CDH18: variants seen among roughly 807,000 people sequenced by gnomAD.
The protein encoded by CDH18 is cadherin-18.
CDH18 carries 31 observed loss-of-function variants against 67.9 expected under a neutral mutation model. That is an observed-to-expected ratio of 0.46 (90% CI 0.34 to 0.62). The LOEUF (loss-of-function observed/expected upper bound fraction) is 0.62, where lower values mean the gene tolerates loss of function less well. CDH18 is among the 20% of genes least tolerant of loss of function. The probability of loss-of-function intolerance (pLI) is 0.01; values close to 1 mark genes in which losing one functional copy is unlikely to be tolerated. For synonymous variants in CDH18, 362 were observed against 347.2 expected, an observed-to-expected ratio of 1.04 and a Z score of -0.48; for missense variants, 890 against 975.5, an observed-to-expected ratio of 0.91 and a Z score of 1.17.
chr5:20,304,309 C>A (rs1254904120), intron 1 of CDH18: 9 of 1,599,472 alleles, frequency 5.6e-6, no homozygotes, highest in Non-Finnish European at 7.7e-6. Context: ...GTTTTAAATG[C>A]AGAGTACCTA....
At chr5:19,948,388 A>G (rs187114520) in intron 2 of CDH18, among the ~76,000 whole-genome samples, 36 of 152,316 alleles carry the variant, frequency 2.4e-4, no homozygotes, top group African/African-American at 8.7e-4. Context: ...TGAATTATCT[A>G]TGTGATGGAA....
At chr5:19,710,097 A>C (rs1316475855) in intron 5 of CDH18, among the ~76,000 whole-genome samples, 1 of 152,102 alleles carries the variant, frequency 6.6e-6, no homozygotes, top group Non-Finnish European at 1.5e-5. Flanking sequence ...GTCATGCCAC[A>C]GCACTCCAGC....
Position 20,450,036 on chromosome 5 carries a change from T to C in CDH18, c.-580+125426A>G, listed in dbSNP as rs1750309064. ...AATATGTGTGTGTGTGTTATGTACA[T>C]TTTTAAAGTATATTTTTCTGGCCGG... On this transcript the variant is annotated intron_variant, in intron 1 of 14. Coordinates refer to the CDH18 transcript ENST00000507958. 2.0e-5 allele frequency among the ~76,000 whole-genome samples: 3 copies of C among 152,060 alleles called. No homozygotes were observed. The South Asian group carries it at 6.2e-4, about 32-fold the overall frequency.
At chr5:19,609,869 C>T (rs925882687) in intron 6 of CDH18, among the ~76,000 whole-genome samples, 55 of 152,024 alleles carry the variant, frequency 3.6e-4, no homozygotes, top group Admixed American at 3.2e-3. Context: ...TGTGTATAGA[C>T]TTGCGCATGT....
Position 19,804,691 on chromosome 5 carries a change from A to G in CDH18, c.228+34068T>C, listed in dbSNP as rs543981516. ...AAACAGATAAGAGATCAGGATGATTAGCATGTTGAGAAACATGTAAATTTT... is the reference window on the plus strand; with the variant it reads ...AAACAGATAAGAGATCAGGATGATTGGCATGTTGAGAAACATGTAAATTTT... On this transcript the variant is annotated intron_variant, in intron 3 of 12. Transcript: ENST00000382275. 1.3e-5 allele frequency among the ~76,000 whole-genome samples: 2 copies of G among 152,316 alleles called. 1 individual carries two copies. Among genetic ancestry groups the G allele is most frequent in the East Asian group, 3.9e-4 (2 of 5,166 alleles).
At chr5:20,132,394 T>A (rs1382260459) in intron 2 of CDH18, among the ~76,000 whole-genome samples, 1 of 152,144 alleles carries the variant, frequency 6.6e-6, no homozygotes, top group African/African-American at 2.4e-5. Flanking sequence ...CTATTATTCA[T>A]ATATTTTATT....
intron 3 of CDH18, among the ~76,000 whole-genome samples, chr5:19,823,592 C>A (rs551731715): frequency 6.6e-6 from 1 of 152,250 alleles, no homozygotes; most frequent in East Asian, 1.9e-4. Flanking sequence ...ACAAGTACTT[C>A]TAGACCTAAG....
chr5:20,548,379 C>T (rs551656535), intron 1 of CDH18, among the ~76,000 whole-genome samples: 1 of 150,890 alleles, frequency 6.6e-6, no homozygotes, highest in Non-Finnish European at 1.5e-5. Context: ...AAAATATGTC[C>T]CTGGATACTT....
rs551949615 is a variant in CDH18 at position 20,422,982 on chromosome 5, C to T, written c.-580+152480G>A. Among the ~76,000 whole-genome samples, 124 of 151,266 alleles carry T rather than the reference C, an allele frequency of 8.2e-4. 5 individuals are homozygous for T. Among genetic ancestry groups the T allele is most frequent in the African/African-American group, 2.9e-3 (119 of 40,578 alleles). ...CCTCAAATCTTCACCAGTATCCCTA[C>T]TCTTCCCTCCTCCCCTCTCTGGAGA... On this transcript the variant is annotated intron_variant, in intron 1 of 14. Coordinates refer to the CDH18 transcript ENST00000507958.
At chr5:19,594,668 T>G (rs901798004) in intron 6 of CDH18, among the ~76,000 whole-genome samples, 1 of 152,218 alleles carries the variant, frequency 6.6e-6, no homozygotes, top group African/African-American at 2.4e-5. Flanking sequence ...TTCTTCTTTT[T>G]CAACATTGTT....
intron 3 of CDH18, among the ~76,000 whole-genome samples, chr5:19,814,246 G>A (rs574502285): frequency 2.6e-5 from 4 of 151,502 alleles, no homozygotes; most frequent in Non-Finnish European, 5.9e-5. Context: ...CCAATAATAT[G>A]AGCAAATCAA....
chr5:19,599,865 C>A (rs1010565613), intron 6 of CDH18, among the ~76,000 whole-genome samples: 1 of 151,992 alleles, frequency 6.6e-6, no homozygotes, highest in East Asian at 1.9e-4. Flanking sequence ...CCAGCCTGGG[C>A]GACAGAGCGA....
chr5:19,739,257 G>GA (rs1727833542), intron 4 of CDH18, among the ~76,000 whole-genome samples: 1 of 152,140 alleles, frequency 6.6e-6, no homozygotes. Context: ...AGCAAAAGTG[G>GA]AAAAACAGAA....
At chr5:19,647,117 G>A (rs1372697671) in intron 5 of CDH18, among the ~76,000 whole-genome samples, 1 of 152,042 alleles carries the variant, frequency 6.6e-6, no homozygotes, top group South Asian at 2.1e-4. Flanking sequence ...CAGGAGTTAT[G>A]GTCTTTACTG....
chr5:20,222,629 C>A (rs1396597283), intron 2 of CDH18, among the ~76,000 whole-genome samples: 4 of 151,836 alleles, frequency 2.6e-5, no homozygotes, highest in Admixed American at 2.6e-4. Flanking sequence ...ATTATATATT[C>A]TTGAGCTAAG....
intron 1 of CDH18, among the ~76,000 whole-genome samples, chr5:20,567,908 T>G (rs1298408143): frequency 6.6e-6 from 1 of 152,212 alleles, no homozygotes; most frequent in Non-Finnish European, 1.5e-5. Flanking sequence ...TATTTAGGAC[T>G]TGTTCAGCAA....
At chr5:20,234,740 G>A (rs1742343869) in intron 2 of CDH18, among the ~76,000 whole-genome samples, 1 of 152,142 alleles carries the variant, frequency 6.6e-6, no homozygotes, top group Admixed American at 6.6e-5. Flanking sequence ...AAAAAATTCT[G>A]TAGAGCAACT....
intron 2 of CDH18, among the ~76,000 whole-genome samples, chr5:19,954,659 A>C: frequency 6.6e-6 from 1 of 152,064 alleles, no homozygotes; most frequent in Middle Eastern, 3.2e-3. Context: ...AATAGGTGTC[A>C]AAAAGTAAAT....
chr5:19,866,862 C>T (rs1785590350), intron 2 of CDH18, among the ~76,000 whole-genome samples: 1 of 152,124 alleles, frequency 6.6e-6, no homozygotes, highest in African/African-American at 2.4e-5. Flanking sequence ...GAGGCCGAAG[C>T]AGGCGGATCA....
Sources: gnomAD v4.1 joint callset for allele counts (sites outside exome capture counted in the v4.1 genomes callset) on GRCh38, gnomAD v4.1.1 for gene constraint, MANE v1.5 for transcripts, NCBI Gene and HGNC (gene_info 2026-07-23, HGNC 2026-07-21) for gene names.